Variants in MACROD2 observed in about 807,000 individuals in gnomAD.
The protein encoded by MACROD2 is mono-ADP ribosylhydrolase 2.
MACROD2 carries 36 observed loss-of-function variants against 70.4 expected under a neutral mutation model. That is an observed-to-expected ratio of 0.51 (90% CI 0.39 to 0.68). The LOEUF (loss-of-function observed/expected upper bound fraction) is 0.68. Among genes scored for constraint, MACROD2 ranks in the 30% least tolerant of loss-of-function variants. The pLI is 0.00. For missense variants in MACROD2, 496 were observed against 538.4 expected, an observed-to-expected ratio of 0.92 and a Z score of 0.78; for synonymous variants, 172 against 178.8, an observed-to-expected ratio of 0.96 and a Z score of 0.30.
At chr20:15,800,166 T>C (rs1398818660) in intron 8 of MACROD2, among the ~76,000 whole-genome samples, 1 of 152,202 alleles carries the variant, frequency 6.6e-6, no homozygotes, top group East Asian at 1.9e-4. Flanking sequence ...TTGTTTTGAG[T>C]TCTTTGTATA....
At chr20:14,511,548 G>C (rs2085030079) in intron 4 of MACROD2, among the ~76,000 whole-genome samples, 1 of 151,658 alleles carries the variant, frequency 6.6e-6, no homozygotes, top group Non-Finnish European at 1.5e-5. Flanking sequence ...GGCTTCATTA[G>C]AAACAACCTA....
At chr20:15,275,106 A>G (rs541628314) in intron 6 of MACROD2, among the ~76,000 whole-genome samples, 2 of 152,342 alleles carry the variant, frequency 1.3e-5, no homozygotes, top group South Asian at 4.1e-4. Flanking sequence ...CCCATAGGGA[A>G]CTTGTAAAAG....
At chr20:14,276,720 T>C (rs1360816428) in intron 3 of MACROD2, among the ~76,000 whole-genome samples, 1 of 152,186 alleles carries the variant, frequency 6.6e-6, no homozygotes, top group Non-Finnish European at 1.5e-5. Flanking sequence ...AATGTAGTAC[T>C]GAGACCCTAA....
intron 6 of MACROD2, among the ~76,000 whole-genome samples, chr20:15,304,538 A>G (rs1018476363): frequency 6.6e-6 from 1 of 152,108 alleles, no homozygotes; most frequent in Non-Finnish European, 1.5e-5. Flanking sequence ...TTTAATTCCC[A>G]GTACCCCTCC....
intron 11 of MACROD2, 57 bp from the exon 12 acceptor site, chr20:15,937,419 A>G: frequency 1.3e-6 from 2 of 1,551,898 alleles, no homozygotes; most frequent in Non-Finnish European, 8.9e-7. Context: ...CAGGAAAGCC[A>G]CAGCTGGACT....
At chr20:14,800,250 A>G (rs1216593389) in intron 5 of MACROD2, among the ~76,000 whole-genome samples, 1 of 152,094 alleles carries the variant, frequency 6.6e-6, no homozygotes, top group Non-Finnish European at 1.5e-5. Context: ...AACTACTGCT[A>G]AGTCCAAAAG....
intron 8 of MACROD2, among the ~76,000 whole-genome samples, chr20:15,504,723 T>C (rs1396794703): frequency 2.6e-5 from 4 of 152,112 alleles, no homozygotes; most frequent in African/African-American, 9.7e-5. Flanking sequence ...AATATCAGAG[T>C]TGGCAGTAAA....
chr20:14,450,992 C>A (rs373451710), intron 3 of MACROD2, among the ~76,000 whole-genome samples: 17 of 152,014 alleles, frequency 1.1e-4, no homozygotes, highest in African/African-American at 4.1e-4. Flanking sequence ...ATGGACTCTT[C>A]AGGAAGATAA....
intron 5 of MACROD2, among the ~76,000 whole-genome samples, chr20:15,095,742 C>A (rs537692277): frequency 4.8e-4 from 73 of 152,098 alleles, no homozygotes; most frequent in African/African-American, 1.6e-3. Flanking sequence ...TGGTCTCGAT[C>A]TCCTGACCTC....
chr20:14,739,857 A>G (rs899669187), intron 5 of MACROD2, among the ~76,000 whole-genome samples: 1 of 152,088 alleles, frequency 6.6e-6, no homozygotes, highest in Non-Finnish European at 1.5e-5. Flanking sequence ...AATACATAAA[A>G]TGGTATTAAA....
intron 12 of MACROD2, among the ~76,000 whole-genome samples, chr20:15,961,645 C>G (rs535708780): frequency 1.3e-5 from 2 of 152,290 alleles, no homozygotes; most frequent in African/African-American, 2.4e-5. Context: ...ATCATTTTTC[C>G]TAAGAAGGTT....
intron 3 of MACROD2, among the ~76,000 whole-genome samples, chr20:14,214,448 T>G (rs912864857): frequency 7.9e-5 from 12 of 152,272 alleles, no homozygotes; most frequent in Middle Eastern, 3.4e-3. Flanking sequence ...TGTTATGTAT[T>G]GAACACAATG....
At chr20:14,227,311 C>T (rs1395079168) in intron 3 of MACROD2, among the ~76,000 whole-genome samples, 1 of 152,122 alleles carries the variant, frequency 6.6e-6, no homozygotes, top group Non-Finnish European at 1.5e-5. Context: ...GGTCCCCTTT[C>T]ACATGGTGGA....
intron 3 of MACROD2, among the ~76,000 whole-genome samples, chr20:14,089,015 A>G (rs938038891): frequency 1.2e-4 from 19 of 152,218 alleles, no homozygotes; most frequent in Admixed American, 3.3e-4. Flanking sequence ...AAATATTATT[A>G]TCTTGCTCTT....
intron 5 of MACROD2, among the ~76,000 whole-genome samples, chr20:15,092,236 T>C (rs1459668943): frequency 6.6e-6 from 1 of 151,944 alleles, no homozygotes; most frequent in Non-Finnish European, 1.5e-5. Flanking sequence ...AGATTTTTAT[T>C]TAATAGATTT....
intron 4 of MACROD2, among the ~76,000 whole-genome samples, chr20:14,640,191 A>C (rs1985012276): frequency 6.6e-6 from 1 of 152,226 alleles, no homozygotes; most frequent in African/African-American, 2.4e-5. Flanking sequence ...ACATTAAATA[A>C]CAACAGCTAA....
intron 8 of MACROD2, among the ~76,000 whole-genome samples, chr20:15,575,192 C>A (rs1275734314): frequency 6.6e-6 from 1 of 152,122 alleles, no homozygotes; most frequent in East Asian, 1.9e-4. Context: ...TTTTTTCTTG[C>A]AAGGTTTGCT....
At chr20:15,519,163 T>C (rs1420175034) in intron 8 of MACROD2, among the ~76,000 whole-genome samples, 2 of 151,596 alleles carry the variant, frequency 1.3e-5, no homozygotes, top group Non-Finnish European at 2.9e-5. Flanking sequence ...CAGGCTGGAG[T>C]GCAGTGGCAC....
intron 5 of MACROD2, among the ~76,000 whole-genome samples, chr20:15,055,935 C>T (rs1255953655): frequency 6.6e-6 from 1 of 151,846 alleles, no homozygotes; most frequent in Non-Finnish European, 1.5e-5. Flanking sequence ...TATAGGCGCC[C>T]ACCACCATGC....
Sources: gnomAD v4.1 joint callset for allele counts (sites outside exome capture counted in the v4.1 genomes callset) on GRCh38, gnomAD v4.1.1 for gene constraint, MANE v1.5 for transcripts, NCBI Gene and HGNC (gene_info 2026-07-23, HGNC 2026-07-21) for gene names.